The following AGBL4 variants were observed in gnomAD, a reference collection of about 807,000 sequenced individuals.
The protein encoded by AGBL4 is AGBL carboxypeptidase 4.
Under a neutral mutation model 66.4 loss-of-function variants are expected in AGBL4, and 58 were observed. That is an observed-to-expected ratio of 0.87 (90% CI 0.71 to 1.09). The LOEUF (loss-of-function observed/expected upper bound fraction) is 1.09. AGBL4 is among the 50% of genes least tolerant of loss of function. AGBL4 has a pLI of 0.00. For synonymous variants in AGBL4, 234 were observed against 222.9 expected (o/e 1.05, Z -0.44); for missense variants, 579 against 631.0 (o/e 0.92, Z 0.88).
intron 2 of AGBL4, among the ~76,000 whole-genome samples, chr1:49,776,518 A>G (rs1462629628): frequency 6.6e-6 from 1 of 152,056 alleles, no homozygotes; most frequent in Non-Finnish European, 1.5e-5. Flanking sequence ...ATCTTAGTCT[A>G]CTGTTCCCTT....
intron 5 of AGBL4, among the ~76,000 whole-genome samples, chr1:48,909,711 G>T (rs1467749310): frequency 6.6e-6 from 1 of 152,206 alleles, no homozygotes; most frequent in African/African-American, 2.4e-5. Flanking sequence ...CAAAGCATCT[G>T]CAATGCAGTA....
chr1:49,626,282 G>T (rs1318758431), intron 3 of AGBL4, among the ~76,000 whole-genome samples: 3 of 152,082 alleles, frequency 2.0e-5, no homozygotes, highest in Admixed American at 6.6e-5. Context: ...CTTCTGGCTG[G>T]AATGGCATAT....
intron 6 of AGBL4, among the ~76,000 whole-genome samples, chr1:48,834,940 G>T: frequency 6.6e-6 from 1 of 152,112 alleles, no homozygotes; most frequent in East Asian, 1.9e-4. Flanking sequence ...GTGGCGGCTG[G>T]CTTTCTTTAC....
rs185469747 is a variant in AGBL4 at position 49,563,823 on chromosome 1, T to C, written c.282+133490A>G. Among the ~76,000 whole-genome samples, 302 of 151,264 alleles carry C rather than the reference T, an allele frequency of 2.0e-3. 3 individuals are homozygous for C. In the East Asian group the frequency reaches 0.031, roughly 16 times the overall value. On this transcript the variant is annotated intron_variant, in intron 3 of 13. Coordinates refer to ENST00000371839, the MANE Select transcript of AGBL4 (RefSeq NM_032785.4). Reference sequence around the variant, plus strand: ...TGGTATCAGGATGATGCTGGCCTCATAAAATGAGTTAGGGAGGATTCCCTC... The same window carrying C: ...TGGTATCAGGATGATGCTGGCCTCACAAAATGAGTTAGGGAGGATTCCCTC...
chr1:49,054,256 T>C (rs1644271515), intron 4 of AGBL4, among the ~76,000 whole-genome samples: 1 of 152,064 alleles, frequency 6.6e-6, no homozygotes. Flanking sequence ...TCAAACAAAA[T>C]AATTTAACTG....
At chr1:49,642,565 CACAT>C (rs973530359) in intron 3 of AGBL4, among the ~76,000 whole-genome samples, 3 of 151,914 alleles carry the variant, frequency 2.0e-5, no homozygotes, top group African/African-American at 7.2e-5. Context: ...TACTGATAAA[CACAT>C]GCATGTGTGG....
chr1:49,065,755 C>T (rs756118799), intron 4 of AGBL4, among the ~76,000 whole-genome samples: 18 of 152,136 alleles, frequency 1.2e-4, no homozygotes, highest in Non-Finnish European at 2.5e-4. Context: ...GAAGTGTCCG[C>T]TAAAATAGAA....
At chr1:49,299,501 A>G (rs1557818726) in intron 3 of AGBL4, among the ~76,000 whole-genome samples, 1 of 152,226 alleles carries the variant, frequency 6.6e-6, no homozygotes, top group Non-Finnish European at 1.5e-5. Context: ...ACATGTTGTA[A>G]ATAGTATGGC....
At chr1:49,074,592 G>A (rs1049261607) in intron 4 of AGBL4, among the ~76,000 whole-genome samples, 2 of 152,086 alleles carry the variant, frequency 1.3e-5, no homozygotes, top group African/African-American at 4.8e-5. Context: ...TTAACCTTCA[G>A]AGTAATCTTG....
At chr1:48,757,048 G>C (rs992194932) in intron 6 of AGBL4, among the ~76,000 whole-genome samples, 2 of 152,082 alleles carry the variant, frequency 1.3e-5, no homozygotes, top group African/African-American at 4.8e-5. Context: ...TAAAATGCAG[G>C]GTGTCTTACC....
At chr1:48,823,808 A>G (rs1413475444) in intron 6 of AGBL4, among the ~76,000 whole-genome samples, 4 of 152,240 alleles carry the variant, frequency 2.6e-5, no homozygotes, top group Non-Finnish European at 4.4e-5. Context: ...TGAATAATTG[A>G]ACAAATGAAT....
chr1:49,030,562 T>C (rs1201249348), intron 5 of AGBL4, among the ~76,000 whole-genome samples: 1 of 152,068 alleles, frequency 6.6e-6, no homozygotes, highest in Non-Finnish European at 1.5e-5. Context: ...AGTGGTGGCA[T>C]TAGATTCTCA....
At chr1:49,129,884 G>A (rs192800899) in intron 4 of AGBL4, among the ~76,000 whole-genome samples, 5 of 152,130 alleles carry the variant, frequency 3.3e-5, no homozygotes, top group South Asian at 2.1e-4. Context: ...CTGAGGAATC[G>A]CCACACTGAC....
At chr1:49,323,093 C>T (rs1645159336) in intron 3 of AGBL4, among the ~76,000 whole-genome samples, 1 of 151,924 alleles carries the variant, frequency 6.6e-6, no homozygotes, top group African/African-American at 2.4e-5. Flanking sequence ...TGCTTAAAAC[C>T]CTGACAAGAG....
chr1:48,817,103 GA>G (rs907209226), intron 6 of AGBL4, among the ~76,000 whole-genome samples: 10 of 151,892 alleles, frequency 6.6e-5, no homozygotes, highest in African/African-American at 1.7e-4. Context: ...GAAAAACTGG[GA>G]AAAAAAATGA....
intron 3 of AGBL4, among the ~76,000 whole-genome samples, chr1:49,661,689 C>T (rs548032933): frequency 2.6e-5 from 4 of 152,176 alleles, no homozygotes; most frequent in East Asian, 1.9e-4. Flanking sequence ...AAAAGAGACA[C>T]GCACATCTAT....
intron 1 of AGBL4, among the ~76,000 whole-genome samples, chr1:49,927,164 C>T (rs1247154313): frequency 1.3e-5 from 2 of 152,140 alleles, no homozygotes; most frequent in African/African-American, 2.4e-5. Flanking sequence ...AGCCCACCAA[C>T]TCAAATGTTA....
intron 3 of AGBL4, among the ~76,000 whole-genome samples, chr1:49,270,891 A>G (rs1644044092): frequency 6.6e-6 from 1 of 152,232 alleles, no homozygotes; most frequent in Non-Finnish European, 1.5e-5. Flanking sequence ...AAATAAAAAC[A>G]TAATAGTGCC....
chr1:49,381,114 T>C (rs1644595951), intron 3 of AGBL4, among the ~76,000 whole-genome samples: 1 of 151,850 alleles, frequency 6.6e-6, no homozygotes, highest in Non-Finnish European at 1.5e-5. Flanking sequence ...AGGGCTAATA[T>C]CCAGAATCTA....
Sources: gnomAD v4.1 joint callset for allele counts (sites outside exome capture counted in the v4.1 genomes callset) on GRCh38, gnomAD v4.1.1 for gene constraint, MANE v1.5 for transcripts, NCBI Gene and HGNC (gene_info 2026-07-23, HGNC 2026-07-21) for gene names.